Variants in SREK1IP1 observed in about 807,000 individuals in gnomAD.
SREK1IP1 encodes SREK1 interacting protein 1, also known as protein SREK1IP1.
SREK1IP1 carries 12 observed loss-of-function variants against 22.8 expected under a neutral mutation model. The ratio of observed to expected loss-of-function variants is 0.53; its 90% CI spans 0.34 to 0.85. The LOEUF is 0.85. SREK1IP1 is among the 40% of genes least tolerant of loss of function. The pLI is 0.02. For synonymous variants in SREK1IP1, 53 were observed against 52.7 expected, an observed-to-expected ratio of 1.01 and a Z score of -0.02; for missense variants, 147 against 171.8, an observed-to-expected ratio of 0.86 and a Z score of 0.81.
chr5:64,740,589 T>C (rs1033411782), intron 3 of SREK1IP1, among the ~76,000 whole-genome samples: 1 of 152,172 alleles, frequency 6.6e-6, no homozygotes, highest in African/African-American at 2.4e-5. Context: ...TCACGATCAC[T>C]TGTATACTTG....
intron 2 of SREK1IP1, among the ~76,000 whole-genome samples, chr5:64,751,570 T>G (rs1203115351): frequency 6.6e-6 from 1 of 152,218 alleles, no homozygotes; most frequent in Non-Finnish European, 1.5e-5. Flanking sequence ...GGCCAGAATG[T>G]TCTTCACTGT....
At chr5:64,761,989 G>A (rs571098724) in intron 1 of SREK1IP1, among the ~76,000 whole-genome samples, 4 of 152,308 alleles carry the variant, frequency 2.6e-5, no homozygotes, top group South Asian at 2.1e-4. Context: ...GAAAGATGGC[G>A]AGTCCTCAAC....
At chr5:64,724,654 AT>A in intron 4 of SREK1IP1, 81 bp from the exon 5 acceptor site, 1 of 1,151,900 alleles carries the variant, frequency 8.7e-7, no homozygotes, top group Non-Finnish European at 1.2e-6. Flanking sequence ...ACTGCCTTAA[AT>A]TCTTCTTGGA....
intron 3 of SREK1IP1, among the ~76,000 whole-genome samples, chr5:64,737,301 T>C (rs967716234): frequency 5.9e-5 from 9 of 151,650 alleles, no homozygotes; most frequent in African/African-American, 1.9e-4. Flanking sequence ...AAAATTCACA[T>C]ATATGTAGAA....
At position 64,746,233 on chromosome 5, in the gene SREK1IP1, AT is replaced by A. The variant is rs1742635525; in HGVS notation, c.62-5034del. On this transcript the variant is annotated intron_variant, in intron 2 of 4. Coordinates refer to ENST00000513458, the MANE Select transcript of SREK1IP1 (RefSeq NM_173829.4). Reference sequence around the variant, plus strand: ...TAAAAATTAACTAAAAATGGGTCAAATAAAATAAAATATAAAACCATAAAGC... The same window carrying A: ...TAAAAATTAACTAAAAATGGGTCAAAAAAATAAAATATAAAACCATAAAGC... 3.3e-5 allele frequency among the ~76,000 whole-genome samples: 5 copies of A among 152,328 alleles called. No individual in the cohort carries two copies. In the South Asian group the frequency reaches 1.0e-3, roughly 32 times the overall value.
chr5:64,765,333 T>A (rs1455600128), intron 1 of SREK1IP1, among the ~76,000 whole-genome samples: 2 of 152,214 alleles, frequency 1.3e-5, no homozygotes, highest in Admixed American at 6.5e-5. Flanking sequence ...GATTTTTATG[T>A]GTGGTTTGCA....
At chr5:64,725,861 CTTTT>C (rs547845420) in intron 4 of SREK1IP1, among the ~76,000 whole-genome samples, 1 of 112,062 alleles carries the variant, frequency 8.9e-6, no homozygotes, top group Non-Finnish European at 1.9e-5. Flanking sequence ...TTGTTTGTTT[CTTTT>C]TTTTTTTTTT....
chr5:64,731,997 T>A (rs1346499825), intron 3 of SREK1IP1, among the ~76,000 whole-genome samples: 3 of 152,298 alleles, frequency 2.0e-5, no homozygotes, highest in East Asian at 1.9e-4. Flanking sequence ...AGGCATTTTT[T>A]AAAAAGTCAC....
At chr5:64,731,311 C>T (rs1742373601) in intron 3 of SREK1IP1, among the ~76,000 whole-genome samples, 3 of 151,362 alleles carry the variant, frequency 2.0e-5, no homozygotes, top group Admixed American at 6.6e-5. Flanking sequence ...ACTCAGAGTT[C>T]GAAACCAGCC....
chr5:64,768,533 G>C lies in SREK1IP1; in HGVS notation c.-16C>G, dbSNP rs755215460. The C allele has an allele frequency of 5.6e-6, 9 of 1,614,110 alleles. No individual in the cohort carries two copies. In the East Asian group the frequency reaches 1.3e-4, roughly 24 times the overall value. On this transcript the variant is annotated 5_prime_UTR_variant, in exon 1 of 5. Transcript: ENST00000513458. ...GGACTGCCATGACGGTGGTAAGAGG[G>C]GTAACTCGAGCCTCTGGCTTTCGAA...
chr5:64,747,585 T>C (rs1742661764), intron 2 of SREK1IP1, among the ~76,000 whole-genome samples: 2 of 152,196 alleles, frequency 1.3e-5, no homozygotes, highest in African/African-American at 2.4e-5. Flanking sequence ...AGAGCCCTTG[T>C]ATATTTCTAG....
At chr5:64,760,426 A>C (rs1171734576) in intron 1 of SREK1IP1, among the ~76,000 whole-genome samples, 1 of 152,220 alleles carries the variant, frequency 6.6e-6, no homozygotes, top group Non-Finnish European at 1.5e-5. Context: ...AAGTCTCTTG[A>C]GCAACTGCCA....
In SREK1IP1 at chr5:64,768,628, A is replaced by T; in HGVS notation, c.-111T>A. ...AGCGGCGTTTTCCTTCCCCCAGCGC[A>T]GCAGCACCCTCGCTACGGTCGGGAA... On this transcript the variant is annotated 5_prime_UTR_variant, in exon 1 of 5. Coordinates refer to ENST00000513458, the MANE Select transcript of SREK1IP1 (RefSeq NM_173829.4). 1.3e-6 allele frequency: 2 copies of T among 1,497,088 alleles called. No individual in the cohort carries two copies. The highest frequency in any genetic ancestry group is 4.5e-5 in the East Asian group (2 of 44,068). The allele number at this position is 1,497,088 out of a possible 1,614,324, so 92.7% of individuals were successfully genotyped here.
At position 64,722,501 on chromosome 5, in the gene SREK1IP1, T is replaced by A. The variant is rs1465413610; in HGVS notation, c.*1883A>T. 1 of 152,194 alleles carries A rather than the reference T, an allele frequency of 6.6e-6. No homozygotes were observed. Among genetic ancestry groups the A allele is most frequent in the Non-Finnish European group, 1.5e-5 (1 of 68,018 alleles). The allele number at this position is 152,194 out of a possible 1,614,324, so 9.4% of individuals were successfully genotyped here. On this transcript the variant is annotated 3_prime_UTR_variant, in exon 5 of 5. Coordinates refer to ENST00000513458, the MANE Select transcript of SREK1IP1 (RefSeq NM_173829.4). Reference sequence around the variant, plus strand: ...TGTTATTTTTTCAAGGCTAGTCAAGTCAAGCAGTGGGAGTAAAGAAACACC... The same window carrying A: ...TGTTATTTTTTCAAGGCTAGTCAAGACAAGCAGTGGGAGTAAAGAAACACC...
chr5:64,764,394 G>C (rs995136267), intron 1 of SREK1IP1, among the ~76,000 whole-genome samples: 3 of 152,178 alleles, frequency 2.0e-5, no homozygotes, highest in African/African-American at 7.2e-5. Flanking sequence ...CTTCCCATAG[G>C]TAGTTACAGG....
At chr5:64,749,313 C>G (rs191009131) in intron 2 of SREK1IP1, among the ~76,000 whole-genome samples, 10 of 152,186 alleles carry the variant, frequency 6.6e-5, no homozygotes, top group African/African-American at 2.4e-4. Flanking sequence ...AACACACAAG[C>G]TATTTTATAA....
intron 3 of SREK1IP1, among the ~76,000 whole-genome samples, chr5:64,732,934 G>C (rs1481477254): frequency 7.0e-6 from 1 of 143,398 alleles, no homozygotes; most frequent in Non-Finnish European, 1.5e-5. Context: ...AAAAAAAAAA[G>C]CAAAGCAATT....
chr5:64,732,518 G>A (rs964144758), intron 3 of SREK1IP1, among the ~76,000 whole-genome samples: 1 of 152,102 alleles, frequency 6.6e-6, no homozygotes, highest in Non-Finnish European at 1.5e-5. Context: ...GGACTTATAT[G>A]CTGAAAACTA....
At chr5:64,734,541 T>C (rs1311588138) in intron 3 of SREK1IP1, among the ~76,000 whole-genome samples, 1 of 151,998 alleles carries the variant, frequency 6.6e-6, no homozygotes, top group Admixed American at 6.6e-5. Flanking sequence ...TCTTTTAAAA[T>C]TGAAACTTCC....
Sources: gnomAD v4.1 joint callset for allele counts (sites outside exome capture counted in the v4.1 genomes callset) on GRCh38, gnomAD v4.1.1 for gene constraint, MANE v1.5 for transcripts, NCBI Gene and HGNC (gene_info 2026-07-23, HGNC 2026-07-21) for gene names.